Variants in GRM7 observed in about 807,000 individuals in gnomAD.
The protein encoded by GRM7 is glutamate metabotropic receptor 7.
Under a neutral mutation model 84.5 loss-of-function variants are expected in GRM7, and 35 were observed. The ratio of observed to expected loss-of-function variants is 0.41; its 90% confidence interval spans 0.32 to 0.55. The LOEUF is 0.55. GRM7 is among the 20% of genes least tolerant of loss of function. GRM7 has a pLI of 0.19. For missense variants in GRM7, 1,003 were observed against 1,194.6 expected (o/e 0.84, Z 2.36); for synonymous variants, 487 against 455.1 (o/e 1.07, Z -0.89).
chr3:7,014,576 A>C (rs1695495432), intron 1 of GRM7, among the ~76,000 whole-genome samples: 1 of 152,104 alleles, frequency 6.6e-6, no homozygotes, highest in Admixed American at 6.6e-5. Context: ...TCAGCTTCCC[A>C]AAGTGCTGGG....
intron 7 of GRM7, among the ~76,000 whole-genome samples, chr3:7,512,008 G>A (rs1454599358): frequency 2.6e-5 from 4 of 152,204 alleles, no homozygotes; most frequent in African/African-American, 9.6e-5. Context: ...AGCCAGTCAT[G>A]GTGGCACACT....
chr3:7,540,772 G>A (rs1293317586), intron 7 of GRM7, among the ~76,000 whole-genome samples: 1 of 152,122 alleles, frequency 6.6e-6, no homozygotes, highest in Non-Finnish European at 1.5e-5. Flanking sequence ...TAGACTCCCT[G>A]AGAAATTATT....
At chr3:7,150,726 T>G (rs13323789) in intron 2 of GRM7, among the ~76,000 whole-genome samples, 36,858 of 152,134 alleles carry the variant, frequency 0.24, 5,068 homozygotes, top group African/African-American at 0.38. Context: ...ATCCACTCTC[T>G]ATGTGCTTTA....
intron 8 of GRM7, among the ~76,000 whole-genome samples, chr3:7,601,893 A>G (rs3792454): frequency 0.54 from 82,584 of 151,750 alleles, 22,584 homozygotes; most frequent in Non-Finnish European, 0.56. Flanking sequence ...TTGCCAGGGT[A>G]ATGCCATGTG....
At chr3:6,870,476 A>T (rs1044473660) in intron 1 of GRM7, among the ~76,000 whole-genome samples, 6 of 152,168 alleles carry the variant, frequency 3.9e-5, no homozygotes, top group Non-Finnish European at 1.5e-5. Context: ...GAGGTCAGAG[A>T]TGTGACGGGG....
At chr3:7,663,656 C>CTAAT (rs1344454224) in intron 8 of GRM7, among the ~76,000 whole-genome samples, 1 of 152,160 alleles carries the variant, frequency 6.6e-6, no homozygotes, top group Non-Finnish European at 1.5e-5. Context: ...TTTCAAAATT[C>CTAAT]TAATTTTCTT....
At chr3:7,281,929 A>C (rs993896816) in intron 2 of GRM7, among the ~76,000 whole-genome samples, 1 of 152,216 alleles carries the variant, frequency 6.6e-6, no homozygotes, top group Admixed American at 6.5e-5. Context: ...AAAATACAGA[A>C]GAAATTAGCC....
At chr3:7,058,979 A>C (rs1697331987) in intron 1 of GRM7, among the ~76,000 whole-genome samples, 1 of 151,934 alleles carries the variant, frequency 6.6e-6, no homozygotes. Context: ...ATGCCAGGGC[A>C]AATATTTAGG....
At chr3:7,561,706 G>T in intron 7 of GRM7, 1 of 349,682 alleles carries the variant, frequency 2.9e-6, no homozygotes, top group Non-Finnish European at 5.8e-6. Flanking sequence ...ACTTCTCAAT[G>T]CAAAAAAATA....
chr3:7,656,538 T>TATAC (rs1699195439), intron 8 of GRM7, among the ~76,000 whole-genome samples: 1 of 21,068 alleles, frequency 4.7e-5, no homozygotes, highest in South Asian at 2.0e-3. Flanking sequence ...TATATATATA[T>TATAC]ACGCGCGCGC....
intron 8 of GRM7, among the ~76,000 whole-genome samples, chr3:7,623,693 A>G (rs552795806): frequency 2.0e-5 from 3 of 152,236 alleles, no homozygotes; most frequent in South Asian, 2.1e-4. Flanking sequence ...CAAGCATGAC[A>G]TGGGAGTTCA....
chr3:7,253,172 A>G (rs1431852493), intron 2 of GRM7, among the ~76,000 whole-genome samples: 1 of 152,040 alleles, frequency 6.6e-6, no homozygotes, highest in East Asian at 1.9e-4. Context: ...TTAAAATACC[A>G]ACTTTGTTCA....
At chr3:7,166,545 T>C (rs1559480373) in intron 2 of GRM7, among the ~76,000 whole-genome samples, 1 of 152,172 alleles carries the variant, frequency 6.6e-6, no homozygotes, top group Non-Finnish European at 1.5e-5. Flanking sequence ...TATTTTGGTG[T>C]CATATAGACT....
chr3:7,724,954 A>T (rs372866632), intron 9 of GRM7, among the ~76,000 whole-genome samples: 2 of 147,342 alleles, frequency 1.4e-5, no homozygotes, highest in South Asian at 4.3e-4. Context: ...TTTTTTTTTT[A>T]TTTTTTACAG....
At chr3:7,500,837 A>T (rs1398210586) in intron 7 of GRM7, among the ~76,000 whole-genome samples, 1 of 152,136 alleles carries the variant, frequency 6.6e-6, no homozygotes, top group Admixed American at 6.5e-5. Context: ...TGCACTGGGG[A>T]TACAAGGAGG....
At chr3:7,425,149 C>T (rs1454856019) in intron 5 of GRM7, among the ~76,000 whole-genome samples, 1 of 152,134 alleles carries the variant, frequency 6.6e-6, no homozygotes, top group Non-Finnish European at 1.5e-5. Flanking sequence ...GACACCCAGG[C>T]ACATAAGGGC....
intron 1 of GRM7, among the ~76,000 whole-genome samples, chr3:7,031,702 G>A (rs1027983218): frequency 6.6e-5 from 10 of 151,992 alleles, no homozygotes; most frequent in Admixed American, 2.6e-4. Flanking sequence ...ACTATTGTAC[G>A]TTGATTGTAT....
chr3:7,635,818 C>T (rs1698069721), intron 8 of GRM7, among the ~76,000 whole-genome samples: 1 of 151,976 alleles, frequency 6.6e-6, no homozygotes, highest in South Asian at 2.1e-4. Flanking sequence ...GGACTACAGA[C>T]ATATGCCACC....
intron 9 of GRM7, among the ~76,000 whole-genome samples, chr3:7,705,370 G>A (rs141457536): frequency 1.5e-4 from 23 of 152,254 alleles, no homozygotes; most frequent in African/African-American, 5.3e-4. Flanking sequence ...ACAAAGTCCA[G>A]TCTGAAGCCT....
Sources: allele counts gnomAD v4.1 joint callset (sites outside exome capture counted in the v4.1 genomes callset), GRCh38; gene constraint gnomAD v4.1.1; transcripts MANE v1.5; gene names NCBI Gene and HGNC (gene_info 2026-07-23, HGNC 2026-07-21).